Variants in CTNNA2 observed in about 807,000 individuals in gnomAD.
The protein encoded by CTNNA2 is catenin alpha-2.
CTNNA2 carries 42 observed loss-of-function variants against 101.0 expected under a neutral mutation model. The ratio of observed to expected loss-of-function variants is 0.42; its 90% CI spans 0.32 to 0.54. CTNNA2 has a LOEUF of 0.54. Ranked by LOEUF, CTNNA2 falls within the 20% of genes least tolerant of loss-of-function variation. The pLI is 0.14. For synonymous variants in CTNNA2, 450 were observed against 456.4 expected (o/e 0.99, Z 0.18); for missense variants, 871 against 1,223.1 (o/e 0.71, Z 4.29).
chr2:79,872,447 A>G (rs1682663937), intron 5 of CTNNA2, among the ~76,000 whole-genome samples: 1 of 152,162 alleles, frequency 6.6e-6, no homozygotes, highest in Non-Finnish European at 1.5e-5. Context: ...TGACATTAAT[A>G]AAGGTTTTCA....
At chr2:80,524,689 T>C (rs1689872278) in intron 9 of CTNNA2, among the ~76,000 whole-genome samples, 1 of 152,162 alleles carries the variant, frequency 6.6e-6, no homozygotes. Flanking sequence ...TGCCATTACC[T>C]CCTTCCCCAT....
intron 3 of CTNNA2, among the ~76,000 whole-genome samples, chr2:79,784,360 A>C (rs1410443123): frequency 6.6e-6 from 1 of 151,530 alleles, no homozygotes; most frequent in East Asian, 1.9e-4. Flanking sequence ...CTCTTGTAAC[A>C]CTCAGCCTGC....
chr2:80,566,897 T>G (rs1694112239), intron 12 of CTNNA2, among the ~76,000 whole-genome samples: 1 of 152,186 alleles, frequency 6.6e-6, no homozygotes, highest in South Asian at 2.1e-4. Context: ...AAGAAGCTCT[T>G]TAGCCTGTGG....
At chr2:79,249,853 C>T (rs1203486531) in intron 2 of CTNNA2, among the ~76,000 whole-genome samples, 2 of 152,142 alleles carry the variant, frequency 1.3e-5, no homozygotes, top group Admixed American at 6.5e-5. Context: ...TAGTATGGGT[C>T]CCTGCTACCC....
chr2:79,635,984 G>A (rs567686379), intron 1 of CTNNA2, among the ~76,000 whole-genome samples: 8 of 151,102 alleles, frequency 5.3e-5, no homozygotes, highest in African/African-American at 1.2e-4. Context: ...GTGGGGGGCC[G>A]GGTGCGGTGG....
chr2:80,648,672 G>A lies in CTNNA2; in HGVS notation c.*800G>A, dbSNP rs1207735107. 6.6e-6 allele frequency: 1 copy of A among 152,068 alleles called. No homozygotes were observed. Among genetic ancestry groups the A allele is most frequent in the Non-Finnish European group, 1.5e-5 (1 of 68,000 alleles). The allele number at this position is 152,068 out of a possible 1,614,324, so 9.4% of individuals were successfully genotyped here. A position where few individuals can be genotyped will look rare whatever the true frequency, so the allele number is the denominator to read the frequency against. On this transcript the variant is annotated 3_prime_UTR_variant, in exon 19 of 19. Transcript: ENST00000402739. ...GTGGAATATTAGAGGGAAGGAAACT[G>A]ACAACGTGTGAAAGTTAGAGGCAAA... is the stretch of plus-strand genomic sequence containing the variant.
intron 17 of CTNNA2, among the ~76,000 whole-genome samples, chr2:80,615,842 G>A (rs554491030): frequency 1.3e-4 from 19 of 151,632 alleles, no homozygotes; most frequent in Non-Finnish European, 1.3e-4. Context: ...TTTCCGGATG[G>A]GCAATGTGGA....
chr2:80,379,571 T>A (rs1467198746), intron 7 of CTNNA2, among the ~76,000 whole-genome samples: 4 of 152,178 alleles, frequency 2.6e-5, no homozygotes, highest in African/African-American at 9.7e-5. Flanking sequence ...ATTTCAGGTG[T>A]ACTTCCAGTA....
intron 7 of CTNNA2, among the ~76,000 whole-genome samples, chr2:79,990,830 T>C (rs1692121940): frequency 6.6e-6 from 1 of 152,156 alleles, no homozygotes; most frequent in South Asian, 2.1e-4. Context: ...TTTCTGTTGA[T>C]TGGAATAGTT....
chr2:80,165,234 T>TA (rs1447656086), intron 7 of CTNNA2, among the ~76,000 whole-genome samples: 3 of 152,024 alleles, frequency 2.0e-5, no homozygotes, highest in African/African-American at 7.2e-5. Flanking sequence ...TTAATTTATT[T>TA]TTTTTTTCAA....
At chr2:80,336,495 A>T (rs1365273367) in intron 7 of CTNNA2, among the ~76,000 whole-genome samples, 4 of 152,226 alleles carry the variant, frequency 2.6e-5, no homozygotes, top group African/African-American at 9.6e-5. Flanking sequence ...AATTGCAGAC[A>T]TTACTACACT....
intron 7 of CTNNA2, among the ~76,000 whole-genome samples, chr2:80,242,467 T>G (rs993750025): frequency 6.6e-6 from 1 of 152,222 alleles, no homozygotes; most frequent in Non-Finnish European, 1.5e-5. Context: ...AGAGTCCTGC[T>G]TCAATTTATC....
chr2:80,529,529 T>C (rs1345724821), intron 9 of CTNNA2, among the ~76,000 whole-genome samples: 1 of 152,208 alleles, frequency 6.6e-6, no homozygotes, highest in African/African-American at 2.4e-5. Context: ...CAAATAGTTT[T>C]ATAGCCCTCT....
At chr2:80,492,897 G>A (rs761042359) in intron 9 of CTNNA2, among the ~76,000 whole-genome samples, 16 of 151,896 alleles carry the variant, frequency 1.1e-4, no homozygotes, top group Admixed American at 2.0e-4. Context: ...TTCCCTTGGC[G>A]GACTTCAGTT....
intron 2 of CTNNA2, among the ~76,000 whole-genome samples, chr2:79,233,666 A>G (rs1005683114): frequency 2.6e-5 from 4 of 152,100 alleles, no homozygotes; most frequent in African/African-American, 9.7e-5. Flanking sequence ...GTCCCCCACT[A>G]TTATTGTGTG....
intron 1 of CTNNA2, among the ~76,000 whole-genome samples, chr2:79,644,899 A>T (rs372729791): frequency 3.3e-5 from 5 of 151,968 alleles, no homozygotes; most frequent in African/African-American, 1.2e-4. Context: ...AAGCCTTGGG[A>T]TTCTTCTCTA....
chr2:79,695,024 A>AT (rs5832400), intron 2 of CTNNA2, among the ~76,000 whole-genome samples: 42,519 of 139,374 alleles, frequency 0.31, 7,062 homozygotes, highest in African/African-American at 0.48. Context: ...CAAGCCTTAC[A>AT]TTTTTTTTTT....
At chr2:79,613,102 C>T (rs1468947569) in intron 1 of CTNNA2, among the ~76,000 whole-genome samples, 1 of 151,266 alleles carries the variant, frequency 6.6e-6, no homozygotes, top group Non-Finnish European at 1.5e-5. Flanking sequence ...TTGACTTGGC[C>T]ACCCAATTTT....
At chr2:79,310,234 T>C (rs1355940291) in intron 2 of CTNNA2, among the ~76,000 whole-genome samples, 1 of 152,208 alleles carries the variant, frequency 6.6e-6, no homozygotes, top group African/African-American at 2.4e-5. Flanking sequence ...ACTTCCAATA[T>C]TATGCTTAAG....
Sources: gnomAD v4.1 joint callset for allele counts (sites outside exome capture counted in the v4.1 genomes callset) on GRCh38, gnomAD v4.1.1 for gene constraint, MANE v1.5 for transcripts, NCBI Gene and HGNC (gene_info 2026-07-23, HGNC 2026-07-21) for gene names.